SEMA3D: variants seen among roughly 807,000 people sequenced by gnomAD.
SEMA3D encodes the protein semaphorin 3D, also known as semaphorin-3D.
SEMA3D carries 84 observed loss-of-function variants against 100.1 expected under a neutral mutation model. The ratio of observed to expected loss-of-function variants is 0.84; its 90% confidence interval spans 0.70 to 1.01. SEMA3D has a LOEUF of 1.01. Ranked by LOEUF, SEMA3D falls within the 50% of genes least tolerant of loss-of-function variation. The probability of loss-of-function intolerance (pLI) is 0.00; values close to 1 mark genes in which losing one functional copy is unlikely to be tolerated. For missense variants in SEMA3D, 875 were observed against 934.1 expected (o/e 0.94, Z 0.82); for synonymous variants, 312 against 320.7 (o/e 0.97, Z 0.29).
intron 2 of SEMA3D, among the ~76,000 whole-genome samples, chr7:85,148,777 T>TATATATG (rs1790284526): frequency 6.6e-6 from 1 of 151,986 alleles, no homozygotes; most frequent in Non-Finnish European, 1.5e-5. Context: ...TGTCTCTAAT[T>TATATATG]ATATATGTGC....
At chr7:85,199,096 T>A in the SEMA3D span, among the ~76,000 whole-genome samples, 2 of 152,062 alleles carry the variant, frequency 1.3e-5, no homozygotes, top group African/African-American at 4.8e-5. Context: ...ATCATTATTA[T>A]TTTTAATGTC....
intron 4 of SEMA3D, among the ~76,000 whole-genome samples, chr7:85,089,396 A>G (rs1325068021): frequency 2.0e-5 from 3 of 152,134 alleles, no homozygotes; most frequent in African/African-American, 7.2e-5. Context: ...AATCTGAAGT[A>G]GTTTCCCAGG....
chr7:85,099,206 G>A (rs1416883786), intron 3 of SEMA3D, among the ~76,000 whole-genome samples: 1 of 151,946 alleles, frequency 6.6e-6, no homozygotes, highest in Non-Finnish European at 1.5e-5. Context: ...ATCTTGAACT[G>A]TAGCTTCCAT....
chr7:85,187,116 C>A (rs1791580546), upstream of SEMA3D, among the ~76,000 whole-genome samples: 1 of 152,140 alleles, frequency 6.6e-6, no homozygotes, highest in South Asian at 2.1e-4. Context: ...CCTCCCCCAG[C>A]CCTCGCCCCC....
intron 1 of SEMA3D, among the ~76,000 whole-genome samples, chr7:85,154,379 G>A (rs981031274): frequency 6.6e-6 from 1 of 151,962 alleles, no homozygotes; most frequent in African/African-American, 2.4e-5. Flanking sequence ...GAACAAACAT[G>A]GATGTTCCCA....
At chr7:85,140,980 TACA>T in intron 2 of SEMA3D, 1 of 635,206 alleles carries the variant, frequency 1.6e-6, no homozygotes, top group Non-Finnish European at 2.0e-6. Context: ...AAATGTATTT[TACA>T]ACAATGAGAT....
the SEMA3D span, among the ~76,000 whole-genome samples, chr7:85,221,162 G>A: frequency 6.6e-6 from 1 of 151,990 alleles, no homozygotes; most frequent in Non-Finnish European, 1.5e-5. Context: ...ACTATCCATT[G>A]TTCAACTAGG....
At chr7:85,209,366 T>C in the SEMA3D span, among the ~76,000 whole-genome samples, 1 of 151,910 alleles carries the variant, frequency 6.6e-6, no homozygotes, top group African/African-American at 2.4e-5. Context: ...TTGTGCAAAT[T>C]ATTGTCATTA....
chr7:85,227,377 A>G, the SEMA3D span, among the ~76,000 whole-genome samples: 5 of 152,196 alleles, frequency 3.3e-5, no homozygotes, highest in East Asian at 9.7e-4. Context: ...ATTGCTCATG[A>G]CTGGGATTAG....
chr7:85,198,141 C>T, the SEMA3D span, among the ~76,000 whole-genome samples: 1,763 of 152,244 alleles, frequency 0.012, 12 homozygotes, highest in Non-Finnish European at 0.018. Context: ...TATGACTCTT[C>T]CAAACCAATA....
intron 1 of SEMA3D, among the ~76,000 whole-genome samples, chr7:85,165,590 C>T (rs1385204023): frequency 6.6e-6 from 1 of 152,032 alleles, no homozygotes; most frequent in African/African-American, 2.4e-5. Flanking sequence ...TTTGAGTTTA[C>T]CTTATCAGGA....
chr7:85,225,149 C>CAT, the SEMA3D span, among the ~76,000 whole-genome samples: 4 of 116,394 alleles, frequency 3.4e-5, no homozygotes, highest in East Asian at 2.7e-4. Context: ...ATATAAAATA[C>CAT]ATATATATAA....
In SEMA3D at chr7:85,074,084, G is replaced by A. The variant is rs150859964; in HGVS notation, c.376-1003C>T. ...AAATGTTACATGCAATTTCTTAACCGTGGCTTCATGATTCTTGGATCCAAT... is the reference window on the plus strand; with the variant it reads ...AAATGTTACATGCAATTTCTTAACCATGGCTTCATGATTCTTGGATCCAAT... On this transcript the variant is annotated intron_variant, in intron 5 of 18. Transcript: ENST00000284136. Among the ~76,000 whole-genome samples the A allele has an allele frequency of 2.8e-3, 423 of 152,130 alleles. 1 individual carries two copies. The highest frequency in any genetic ancestry group is 9.2e-3 in the African/African-American group (383 of 41,504).
chr7:85,230,633 T>A, the SEMA3D span, among the ~76,000 whole-genome samples: 6 of 152,330 alleles, frequency 3.9e-5, no homozygotes, highest in East Asian at 1.2e-3. Context: ...TGTTGAATCC[T>A]CCTTGCTCAT....
intron 13 of SEMA3D, among the ~76,000 whole-genome samples, chr7:85,021,413 C>T (rs372608242): frequency 2.2e-4 from 34 of 151,758 alleles, no homozygotes; most frequent in African/African-American, 7.7e-4. Context: ...GACCCTTCAA[C>T]AGCCATCTCT....
chr7:85,012,881 AG>A (rs1276036407), intron 16 of SEMA3D, 35 bp from the exon 17 acceptor site: 9 of 1,527,216 alleles, frequency 5.9e-6, no homozygotes, highest in Non-Finnish European at 8.2e-6. Flanking sequence ...TAGAACTTCA[AG>A]CATGATTACC....
At chr7:85,239,104 C>T in the SEMA3D span, among the ~76,000 whole-genome samples, 4 of 152,072 alleles carry the variant, frequency 2.6e-5, no homozygotes, top group African/African-American at 9.7e-5. Flanking sequence ...ATTTCTATTT[C>T]AGTGCTTCTC....
intron 7 of SEMA3D, among the ~76,000 whole-genome samples, chr7:85,066,455 A>C (rs1791622867): frequency 6.6e-6 from 1 of 151,366 alleles, no homozygotes. Flanking sequence ...ACATAAGGGA[A>C]GGAGAAGAAG....
intron 1 of SEMA3D, among the ~76,000 whole-genome samples, chr7:85,168,272 G>A (rs1390204909): frequency 6.6e-6 from 1 of 151,816 alleles, no homozygotes; most frequent in Non-Finnish European, 1.5e-5. Flanking sequence ...TCCCAAGAAA[G>A]TTTCATCCTT....
Sources: gnomAD v4.1 joint callset for allele counts (sites outside exome capture counted in the v4.1 genomes callset) on GRCh38, gnomAD v4.1.1 for gene constraint, MANE v1.5 for transcripts, NCBI Gene and HGNC (gene_info 2026-07-23, HGNC 2026-07-21) for gene names.